CPA4: variants seen among roughly 807,000 people sequenced by gnomAD.
The protein encoded by CPA4 is carboxypeptidase A3.
A neutral mutation model predicts 54.7 loss-of-function variants in CPA4; 49 were observed. The observed-to-expected ratio is 0.90, with a 90% CI of 0.71 to 1.14. The LOEUF (loss-of-function observed/expected upper bound fraction) is 1.14, where lower values mean the gene tolerates loss of function less well. Ranked by LOEUF, CPA4 falls within the 50% of genes most tolerant of loss-of-function variation. CPA4 has a pLI of 0.00. For missense variants in CPA4, 487 were observed against 525.1 expected (o/e 0.93, Z 0.71); for synonymous variants, 215 against 206.8 (o/e 1.04, Z -0.34).
chr7:130,309,230 G>A (rs1398894557), intron 8 of CPA4, among the ~76,000 whole-genome samples: 5 of 152,208 alleles, frequency 3.3e-5, no homozygotes, highest in Admixed American at 2.0e-4. Context: ...TGGTGGGACA[G>A]AGCATCTTAC....
chr7:130,293,602 A>G, intron 1 of CPA4: 1 of 217,968 alleles, frequency 4.6e-6, no homozygotes. Context: ...TTAATTACTA[A>G]GAGTTACTGG....
At chr7:130,294,342 T>C (rs1401264236) in intron 1 of CPA4, among the ~76,000 whole-genome samples, 1 of 152,224 alleles carries the variant, frequency 6.6e-6, no homozygotes, top group Non-Finnish European at 1.5e-5. Context: ...TGGGGTTGTT[T>C]TTTGAGGTAA....
rs193026717 is a variant in CPA4 at position 130,316,494 on chromosome 7, T to A, written c.1078+4372T>A. On this transcript the variant is annotated intron_variant, in intron 10 of 10. Coordinates refer to ENST00000222482, the MANE Select transcript of CPA4 (RefSeq NM_016352.4). ...GTATCATTATGATATCCCTTAAAGA[T>A]GGCATATCCTGCTTGGAGGGAGGGT... 7.9e-4 allele frequency among the ~76,000 whole-genome samples: 121 copies of A among 152,308 alleles called. 1 individual carries two copies. The East Asian group carries it at 0.019, about 24-fold the overall frequency.
intron 10 of CPA4, among the ~76,000 whole-genome samples, chr7:130,316,970 T>G (rs1793998135): frequency 6.6e-6 from 1 of 150,492 alleles, no homozygotes; most frequent in Non-Finnish European, 1.5e-5. Flanking sequence ...GTAGCATATA[T>G]GAAGAGAGAT....
chr7:130,298,448 T>C (rs1028363960), intron 1 of CPA4, among the ~76,000 whole-genome samples: 2 of 152,246 alleles, frequency 1.3e-5, no homozygotes, highest in African/African-American at 4.8e-5. Flanking sequence ...ATTTGGTATA[T>C]TTCCGCTGTC....
At chr7:130,304,610 T>C in intron 5 of CPA4, 31 bp downstream of exon 5, 1 of 1,296,308 alleles carries the variant, frequency 7.7e-7, no homozygotes. Context: ...AAGGGTCTCC[T>C]GGGTCCTCAT....
In CPA4 at chr7:130,306,768, G is replaced by A. The variant is rs760660340; in HGVS notation, c.592-19G>A. 4.2e-6 allele frequency: 6 copies of A among 1,419,920 alleles called. No individual in the cohort carries two copies. The highest frequency in any genetic ancestry group is 1.8e-4 in the Middle Eastern group (1 of 5,616). The allele number at this position is 1,419,920 out of a possible 1,614,324, so 88.0% of individuals were successfully genotyped here. ...CATCCTGCCATGGGATAGCTGACAA[G>A]CATATTGTCTCTGCTTAGATTGTAT... On this transcript the variant is annotated intron_variant, in intron 6 of 10. Transcript: ENST00000222482.
chr7:130,310,749 C>T lies in CPA4; in HGVS notation c.794-38C>T, dbSNP rs1562931186. The T allele has an allele frequency of 6.3e-7, 1 of 1,583,736 alleles. No homozygotes were observed. The highest frequency in any genetic ancestry group is 8.7e-7 in the Non-Finnish European group (1 of 1,152,516). On this transcript the variant is annotated intron_variant, in intron 8 of 10. Transcript: ENST00000222482. The surrounding 1 kb of genome is among the most constrained non-coding windows in gnomAD (Gnocchi z 4.3). ...CGTCTTGCATTTCTGTGTTCTTGGA[C>T]TATGAGTTAATGTTTGTTCTTGGGC...
intron 10 of CPA4, among the ~76,000 whole-genome samples, chr7:130,314,764 G>A (rs913487632): frequency 2.0e-5 from 3 of 152,206 alleles, no homozygotes; most frequent in African/African-American, 7.2e-5. Flanking sequence ...GCACAGTAAG[G>A]AGCTGTTCAG....
chr7:130,322,773 C>A lies in CPA4; in HGVS notation c.*97C>A, dbSNP rs1453379228. On this transcript the variant is annotated 3_prime_UTR_variant, in exon 11 of 11. Transcript: ENST00000222482. ...TCTTTCCTACCTGTGTGAGTCAGAG[C>A]CCTCTGGGTTTGTGGAGCACACAGG... 3.1e-6 allele frequency: 4 copies of A among 1,293,886 alleles called. No homozygotes were observed. The highest frequency in any genetic ancestry group is 2.4e-5 in the East Asian group (1 of 42,192). 80.2% of individuals were successfully genotyped at this position (1,293,886 alleles called of 1,614,324 possible). A position where few individuals can be genotyped will look rare whatever the true frequency, so the allele number is the denominator to read the frequency against.
chr7:130,305,188 G>A (rs746327586), intron 5 of CPA4, among the ~76,000 whole-genome samples: 16 of 152,176 alleles, frequency 1.1e-4, no homozygotes, highest in Non-Finnish European at 1.9e-4. Flanking sequence ...CCTCAGCTTC[G>A]TATAAGTCCC....
chr7:130,307,626 T>C (rs369471728), intron 7 of CPA4, among the ~76,000 whole-genome samples: 1 of 108,678 alleles, frequency 9.2e-6, no homozygotes. Context: ...CAAGACTCCA[T>C]CTCAGAAAAA....
In CPA4 at chr7:130,322,526, C is replaced by A. The variant is rs143094036; in HGVS notation, c.1116C>A (p.Asp372Glu). Residue 372 changes from aspartate to glutamate, a missense_variant, in exon 11 of 11, where the codon GAC becomes GAA. By Grantham distance (45) the Asp-to-Glu change is conservative. Coordinates refer to ENST00000222482, the MANE Select transcript of CPA4 (RefSeq NM_016352.4). ...GGAGCAGCATCGACTGGGCATATGA[C>A]AACGGCATCAAATTTGCATTCACAT... Reference protein sequence around the residue: ...ASGSSIDWAYDNGIKFAFTFE... With the variant: ...ASGSSIDWAYENGIKFAFTFE... 520 of 1,614,112 alleles carry A rather than the reference C, an allele frequency of 3.2e-4. 1 individual carries two copies. The highest frequency in any genetic ancestry group is 9.9e-4 in the Middle Eastern group (6 of 6,062).
chr7:130,293,189 G>T lies in CPA4; in HGVS notation c.9G>T (p.Trp3Cys). The T allele has an allele frequency of 6.2e-7, 1 of 1,610,664 alleles. No individual in the cohort carries two copies. The highest frequency in any genetic ancestry group is 2.2e-5 in the East Asian group (1 of 44,848). Residue 3 changes from tryptophan (W) to cysteine (C), a missense_variant, in exon 1 of 11, where the codon TGG (tryptophan) becomes TGT (cysteine). Physicochemically the swap from Trp to Cys is radical, Grantham distance 215 (BLOSUM62 -2). Coordinates refer to ENST00000222482, the MANE Select transcript of CPA4 (RefSeq NM_016352.4). Reference protein sequence around the residue: MRWILFIGALIGS... With the variant: MRCILFIGALIGS... ...ACTGACTCCCCGGGGACATGAGGTG[G>T]ATACTGTTCATTGGGGCCCTTATTG... is the stretch of plus-strand genomic sequence containing the variant.
chr7:130,321,077 C>T (rs1211469561), intron 10 of CPA4, among the ~76,000 whole-genome samples: 1 of 152,128 alleles, frequency 6.6e-6, no homozygotes, highest in East Asian at 1.9e-4. Flanking sequence ...TGCCTGTAGT[C>T]CCAGCTACTT....
intron 10 of CPA4, among the ~76,000 whole-genome samples, chr7:130,319,878 G>A (rs542707749): frequency 3.3e-5 from 5 of 152,260 alleles, no homozygotes; most frequent in Admixed American, 6.5e-5. Flanking sequence ...TAAGACAATT[G>A]CATTTCTTTT....
Position 130,300,898 on chromosome 7 carries a change from A to T in CPA4, c.368A>T (p.Tyr123Phe). The change falls in exon 4 of 11, where the codon TAC becomes TTC. Residue 123 changes from tyrosine to phenylalanine, a missense_variant. Transcript: ENST00000222482. Reference protein sequence around the residue: ...RSSNNFNYGAYHSLEAIYHEM... With the variant: ...RSSNNFNYGAFHSLEAIYHEM... ...AGTAATAACTTCAACTACGGGGCTTACCATTCCCTGGAAGCTGTAAGTGTT... is the reference window on the plus strand; with the variant it reads ...AGTAATAACTTCAACTACGGGGCTTTCCATTCCCTGGAAGCTGTAAGTGTT... 6.2e-7 allele frequency: 1 copy of T among 1,611,742 alleles called. No individual in the cohort carries two copies. The highest frequency in any genetic ancestry group is 8.5e-7 in the Non-Finnish European group (1 of 1,177,824).
At chr7:130,299,541 A>T (rs2117134537) in intron 3 of CPA4, 137 bp downstream of exon 3, 1 of 746,596 alleles carries the variant, frequency 1.3e-6, no homozygotes, top group East Asian at 2.7e-5. Flanking sequence ...AAATGGAAGT[A>T]AAGTGCAGTG....
chr7:130,309,164 A>G (rs1013531205), intron 8 of CPA4, among the ~76,000 whole-genome samples: 2 of 152,170 alleles, frequency 1.3e-5, no homozygotes, highest in Admixed American at 6.5e-5. Flanking sequence ...GTTTTTTAAA[A>G]TATATTTTTG....
Sources: allele counts gnomAD v4.1 joint callset (sites outside exome capture counted in the v4.1 genomes callset), GRCh38; gene constraint gnomAD v4.1.1; non-coding constraint Gnocchi (gnomAD v3.1); transcripts MANE v1.5; gene names NCBI Gene and HGNC (gene_info 2026-07-23, HGNC 2026-07-21).